The following MTUS2 variants were observed in gnomAD, a reference collection of about 807,000 sequenced individuals.
MTUS2 encodes microtubule associated scaffold protein 2.
A neutral mutation model predicts 114.1 loss-of-function variants in MTUS2; 40 were observed. The ratio of observed to expected loss-of-function variants is 0.35; its 90% CI spans 0.27 to 0.46. The LOEUF (loss-of-function observed/expected upper bound fraction) is 0.46. Among genes scored for constraint, MTUS2 ranks in the 20% least tolerant of loss-of-function variants. MTUS2 has a pLI of 1.00. For missense variants in MTUS2, 1,679 were observed against 1,705.4 expected, an observed-to-expected ratio of 0.98 and a Z score of 0.27; for synonymous variants, 688 against 672.0, an observed-to-expected ratio of 1.02 and a Z score of -0.37.
chr13:28,943,613 A>G (rs73439416), intron 2 of MTUS2, among the ~76,000 whole-genome samples: 11,270 of 152,200 alleles, frequency 0.074, 1,388 homozygotes, highest in African/African-American at 0.25. Context: ...GTCCTGGTAG[A>G]GAGGTGAGAC....
chr13:28,825,125 C>T (rs1053973826), intron 1 of MTUS2, among the ~76,000 whole-genome samples: 2 of 152,150 alleles, frequency 1.3e-5, no homozygotes, highest in African/African-American at 4.8e-5. Flanking sequence ...CCTGAGGCTG[C>T]CCACGAACAC....
intron 5 of MTUS2, among the ~76,000 whole-genome samples, chr13:29,118,055 G>A (rs181745372): frequency 1.3e-5 from 2 of 152,190 alleles, no homozygotes; most frequent in East Asian, 1.9e-4. Flanking sequence ...AATAGACCAC[G>A]TCTCCCTGGT....
intron 2 of MTUS2, among the ~76,000 whole-genome samples, chr13:28,939,309 G>A (rs1483559261): frequency 6.6e-6 from 1 of 152,122 alleles, no homozygotes; most frequent in African/African-American, 2.4e-5. Flanking sequence ...TTTAGTGTGG[G>A]AGCAACAGGT....
At chr13:28,878,812 A>G (rs762474570) in intron 2 of MTUS2, among the ~76,000 whole-genome samples, 3 of 152,208 alleles carry the variant, frequency 2.0e-5, no homozygotes, top group Non-Finnish European at 4.4e-5. Context: ...GTATCTTTAT[A>G]GTAGAATGAT....
intron 8 of MTUS2, among the ~76,000 whole-genome samples, chr13:29,421,161 TA>T (rs1876077302): frequency 6.6e-6 from 1 of 152,224 alleles, no homozygotes; most frequent in Non-Finnish European, 1.5e-5. Flanking sequence ...ATTCCCAGTT[TA>T]AAAATTTCTG....
intron 4 of MTUS2, among the ~76,000 whole-genome samples, chr13:29,076,941 T>G (rs1889219026): frequency 6.6e-6 from 1 of 152,236 alleles, no homozygotes. Flanking sequence ...GTTGGGTGTT[T>G]ATTATATGTT....
chr13:29,196,657 A>G (rs764733341), intron 5 of MTUS2, among the ~76,000 whole-genome samples: 3 of 152,126 alleles, frequency 2.0e-5, no homozygotes, highest in Non-Finnish European at 4.4e-5. Flanking sequence ...CCACCATGCT[A>G]CTATGTCTTC....
Position 29,244,848 on chromosome 13 carries a change from T to C in MTUS2, c.2645-36856T>C, listed in dbSNP as rs1226119683. On this transcript the variant is annotated intron_variant, in intron 5 of 15. Transcript: ENST00000612955. ...GCGGGCGCCTGTAGTCCCAGCTACT[T>C]GGGAGGCTGAGGCAGGAGAATGGCG... is the stretch of plus-strand genomic sequence containing the variant. Among the ~76,000 whole-genome samples, 8 of 143,564 alleles carry C rather than the reference T, an allele frequency of 5.6e-5. No individual in the cohort carries two copies. In the South Asian group the frequency reaches 1.1e-3, roughly 20 times the overall value. The allele number at this position is 143,564 out of a possible 152,430, so 94.2% of individuals were successfully genotyped here.
intron 9 of MTUS2, among the ~76,000 whole-genome samples, chr13:29,461,738 A>G (rs1456183980): frequency 6.6e-6 from 1 of 152,232 alleles, no homozygotes. Flanking sequence ...AGAATTGTTA[A>G]TTAGGCATTT....
At chr13:29,487,306 TCAGA>T (rs1454859329) in intron 10 of MTUS2, among the ~76,000 whole-genome samples, 20 of 152,080 alleles carry the variant, frequency 1.3e-4, no homozygotes, top group Admixed American at 9.8e-4. Flanking sequence ...GCCTTTGGAG[TCAGA>T]CAGACCTGGG....
At chr13:29,445,646 C>G (rs946749611) in intron 9 of MTUS2, among the ~76,000 whole-genome samples, 1 of 152,134 alleles carries the variant, frequency 6.6e-6, no homozygotes, top group African/African-American at 2.4e-5. Context: ...GTGGCTCATG[C>G]TTATAATCCC....
chr13:29,000,007 G>C (rs1245234388), intron 2 of MTUS2, among the ~76,000 whole-genome samples: 1 of 152,056 alleles, frequency 6.6e-6, no homozygotes, highest in Non-Finnish European at 1.5e-5. Flanking sequence ...CACATTTTCT[G>C]TATCCATTTA....
intron 2 of MTUS2, among the ~76,000 whole-genome samples, chr13:28,897,549 T>A (rs887722372): frequency 6.6e-5 from 10 of 152,256 alleles, no homozygotes; most frequent in African/African-American, 2.4e-4. Context: ...CATTACTGGG[T>A]ATATACCCAA....
intron 5 of MTUS2, among the ~76,000 whole-genome samples, chr13:29,128,839 C>T (rs1891631375): frequency 6.6e-6 from 1 of 152,044 alleles, no homozygotes; most frequent in South Asian, 2.1e-4. Flanking sequence ...TTGATCAATG[C>T]CTGGGTGTTT....
At chr13:29,139,890 T>G (rs1034819191) in intron 5 of MTUS2, among the ~76,000 whole-genome samples, 4 of 152,204 alleles carry the variant, frequency 2.6e-5, no homozygotes, top group Admixed American at 2.0e-4. Context: ...CCCCTTCCTC[T>G]GGCGCTCTCT....
chr13:28,895,969 AATTTTAAATCT>A (rs1879241261), intron 2 of MTUS2, among the ~76,000 whole-genome samples: 1 of 152,186 alleles, frequency 6.6e-6, no homozygotes, highest in Non-Finnish European at 1.5e-5. Context: ...GCCCCTGATT[AATTTTAAATCT>A]ATTTTAAATC....
chr13:29,099,470 A>T (rs1209990981), intron 4 of MTUS2, among the ~76,000 whole-genome samples: 1 of 150,206 alleles, frequency 6.7e-6, no homozygotes, highest in Non-Finnish European at 1.5e-5. Flanking sequence ...GTACTTTTCT[A>T]TGTACCATTT....
chr13:29,248,828 T>A (rs1482355733), intron 5 of MTUS2, among the ~76,000 whole-genome samples: 2 of 152,212 alleles, frequency 1.3e-5, no homozygotes, highest in East Asian at 3.8e-4. Context: ...TATGGCTGCA[T>A]AGTATTCCAT....
chr13:29,194,276 G>A (rs1220925175), intron 5 of MTUS2, among the ~76,000 whole-genome samples: 3 of 152,174 alleles, frequency 2.0e-5, no homozygotes, highest in Admixed American at 6.5e-5. Flanking sequence ...CTTCTACACA[G>A]CAAAAGAAAC....
Sources: allele counts gnomAD v4.1 joint callset (sites outside exome capture counted in the v4.1 genomes callset), GRCh38; gene constraint gnomAD v4.1.1; transcripts MANE v1.5; gene names NCBI Gene and HGNC (gene_info 2026-07-23, HGNC 2026-07-21).